Variants in FOXF1 observed in about 807,000 individuals in gnomAD.
FOXF1 encodes the protein forkhead box F1.
Under a neutral mutation model 26.6 loss-of-function variants are expected in FOXF1, and 9 were observed. The observed-to-expected ratio is 0.34, with a 90% CI of 0.20 to 0.59. FOXF1 has a LOEUF of 0.59. Ranked by LOEUF, FOXF1 falls within the 20% of genes least tolerant of loss-of-function variation. The pLI is 0.83. For missense variants in FOXF1, 499 were observed against 549.9 expected (o/e 0.91, Z 0.93); for synonymous variants, 330 against 257.7 (o/e 1.28, Z -2.69).
chr16:86,512,585 G>A (rs1019504613), intron 1 of FOXF1, among the ~76,000 whole-genome samples: 4 of 152,252 alleles, frequency 2.6e-5, no homozygotes, highest in Admixed American at 1.3e-4. Flanking sequence ...TGGCGGTGAC[G>A]GCCATGGGCG....
intron 1 of FOXF1, 30 bp from the exon 2 acceptor site, chr16:86,512,895 C>T (rs748101094): frequency 6.2e-7 from 1 of 1,613,464 alleles, no homozygotes; most frequent in East Asian, 2.2e-5. Flanking sequence ...CTTCTGCTCC[C>T]CCAACCCCTC....
At chr16:86,512,560 T>G (rs994877403) in intron 1 of FOXF1, among the ~76,000 whole-genome samples, 5 of 151,786 alleles carry the variant, frequency 3.3e-5, no homozygotes, top group Non-Finnish European at 7.4e-5. Flanking sequence ...AGGTTGGGGG[T>G]GGTGGTGGCT....
In FOXF1 at chr16:86,515,169, T is replaced by C. The variant is rs1969627461; in HGVS notation, c.*2084T>C. 6.6e-6 allele frequency: 1 copy of C among 152,098 alleles called. No homozygotes were observed. Among genetic ancestry groups the C allele is most frequent in the African/African-American group, 2.4e-5 (1 of 41,402 alleles). The allele number at this position is 152,098 out of a possible 1,614,324, so 9.4% of individuals were successfully genotyped here. A position where few individuals can be genotyped will look rare whatever the true frequency, so the allele number is the denominator to read the frequency against. On this transcript the variant is annotated 3_prime_UTR_variant, in exon 2 of 2. Coordinates refer to ENST00000262426, the MANE Select transcript of FOXF1 (RefSeq NM_001451.3). This position sits in a 1 kb window ranked among gnomAD's most constrained non-coding sequence, Gnocchi z 4.1. ...GTCCTCTCTGGGGGAAAAATATTTT[T>C]TAACACTTGTACCTTCCACTGACCA...
chr16:86,512,996 A>T lies in FOXF1; in HGVS notation c.1051A>T (p.Met351Leu), dbSNP rs758528931. The T allele has an allele frequency of 1.3e-5, 21 of 1,613,980 alleles. No homozygotes were observed. Among genetic ancestry groups the T allele is most frequent in the Non-Finnish European group, 1.7e-5 (20 of 1,180,036 alleles). Residue 351 changes from methionine to leucine, a missense_variant, in exon 2 of 2, where the codon ATG becomes TTG. Met to Leu is a conservative substitution (Grantham distance 15, BLOSUM62 2). Around this residue, in one of 5 missense-constraint regions of FOXF1, gnomAD observed 367 missense variants for 324.8 expected, o/e 1.13. Coordinates refer to ENST00000262426, the MANE Select transcript of FOXF1 (RefSeq NM_001451.3). ...GGAGTTTGTCTTCTCTTTCAACGCCATGGCGTCCTCTTCCATGCACTCGGC... is the reference window on the plus strand; with the variant it reads ...GGAGTTTGTCTTCTCTTTCAACGCCTTGGCGTCCTCTTCCATGCACTCGGC... ...RKEFVFSFNA[M>L]ASSSMHSAGG...
At position 86,512,941 on chromosome 16, in the gene FOXF1, C is replaced by T; in HGVS notation, c.996C>T (p.His332=). Residue 332 remains histidine, a synonymous_variant, in exon 2 of 2, where the codon CAC becomes CAT. Transcript: ENST00000262426. ...GCCTTGCAGGCATCCCGCGGTATCACTCGCAGTCGCCCAGCATGTGTGACC... is the reference window on the plus strand; with the variant it reads ...GCCTTGCAGGCATCCCGCGGTATCATTCGCAGTCGCCCAGCATGTGTGACC... ...PAELQGIPRY[H]SQSPSMCDRK... 6.2e-7 allele frequency: 1 copy of T among 1,614,154 alleles called. No individual in the cohort carries two copies. Among genetic ancestry groups the T allele is most frequent in the Non-Finnish European group, 8.5e-7 (1 of 1,180,040 alleles).
intron 1 of FOXF1, 96 bp from the exon 2 acceptor site, chr16:86,512,829 T>A (rs1029079259): frequency 6.9e-7 from 1 of 1,458,336 alleles, no homozygotes; most frequent in Non-Finnish European, 9.5e-7. Context: ...ACAGGCCCTG[T>A]GCGCCCCACG....
chr16:86,512,635 A>G (rs548939248), intron 1 of FOXF1, among the ~76,000 whole-genome samples: 4 of 152,296 alleles, frequency 2.6e-5, no homozygotes, highest in African/African-American at 4.8e-5. Context: ...CACTTCCCCT[A>G]TGGCTCTGGA....
At position 86,515,358 on chromosome 16, in the gene FOXF1, C is replaced by A. The variant is rs565960488; in HGVS notation, c.*2273C>A. ...GACATTTTGGACGTGGGGGTAATTT[C>A]TCCGGTGCTCTGTTACATCAAAATT... On this transcript the variant is annotated 3_prime_UTR_variant, in exon 2 of 2. Transcript: ENST00000262426. The surrounding 1 kb of genome is among the most constrained non-coding windows in gnomAD (Gnocchi z 4.1). The A allele has an allele frequency of 1.3e-5, 2 of 152,326 alleles. No individual in the cohort carries two copies. The highest frequency in any genetic ancestry group is 4.2e-4 in the South Asian group (2 of 4,814). The allele number at this position is 152,326 out of a possible 1,614,324, so 9.4% of individuals were successfully genotyped here.
Position 86,514,772 on chromosome 16 carries a change from C to T in FOXF1, c.*1687C>T, listed in dbSNP as rs951020285. On this transcript the variant is annotated 3_prime_UTR_variant, in exon 2 of 2. Transcript: ENST00000262426. ...CTATAGACCTCCTTCCCCTAGGGAA[C>T]ACCAATTAAACCATATATGTGCACA... 3 of 152,046 alleles carry T rather than the reference C, an allele frequency of 2.0e-5. No individual in the cohort carries two copies. The highest frequency in any genetic ancestry group is 2.9e-5 in the Non-Finnish European group (2 of 68,018). The allele number at this position is 152,046 out of a possible 1,614,324, so 9.4% of individuals were successfully genotyped here.
rs1597292703 is a variant in FOXF1 at position 86,513,211 on chromosome 16, C to T, written c.*126C>T. Reference sequence around the variant, plus strand: ...AGAAAAGGGTTCCACCTCTCCCCAACCGGAGTTTTTGGCAAGGAGTCCCCA... The same window carrying T: ...AGAAAAGGGTTCCACCTCTCCCCAATCGGAGTTTTTGGCAAGGAGTCCCCA... On this transcript the variant is annotated 3_prime_UTR_variant, in exon 2 of 2. Coordinates refer to ENST00000262426, the MANE Select transcript of FOXF1 (RefSeq NM_001451.3). The T allele has an allele frequency of 1.9e-6, 2 of 1,063,800 alleles. No individual in the cohort carries two copies. Among genetic ancestry groups the T allele is most frequent in the South Asian group, 1.5e-5 (1 of 68,540 alleles). The allele number at this position is 1,063,800 out of a possible 1,614,324, so 65.9% of individuals were successfully genotyped here.
At chr16:86,512,394 G>C (rs2143189774) in intron 1 of FOXF1, among the ~76,000 whole-genome samples, 1 of 152,366 alleles carries the variant, frequency 6.6e-6, no homozygotes, top group Admixed American at 6.5e-5. Flanking sequence ...CCAGGAGGCA[G>C]GAGCCAGGCC....
At position 86,511,333 on chromosome 16, in the gene FOXF1, G is replaced by T; in HGVS notation, c.764G>T (p.Gly255Val). The T allele has an allele frequency of 6.5e-7, 1 of 1,529,540 alleles. No individual in the cohort carries two copies. Among genetic ancestry groups the T allele is most frequent in the Non-Finnish European group, 8.7e-7 (1 of 1,146,632 alleles). The allele number at this position is 1,529,540 out of a possible 1,614,324, so 94.7% of individuals were successfully genotyped here. The change falls in exon 1 of 2, where the codon GGG becomes GTG. Residue 255 changes from glycine to valine, a missense_variant. Coordinates refer to ENST00000262426, the MANE Select transcript of FOXF1 (RefSeq NM_001451.3). ...ASPLLPTGAGGVMEPHAVYSG... is the reference protein window; with the variant it reads ...ASPLLPTGAGVVMEPHAVYSG... ...CCGCTGCTGCCCACCGGCGCCGGTG[G>T]GGTCATGGAGCCGCACGCCGTCTAC...
intron 1 of FOXF1, among the ~76,000 whole-genome samples, chr16:86,512,385 C>T (rs1401646452): frequency 6.6e-6 from 1 of 152,256 alleles, no homozygotes; most frequent in African/African-American, 2.4e-5. Flanking sequence ...TCAGCAGCCC[C>T]AGGAGGCAGG....
chr16:86,511,070 G>C lies in FOXF1; in HGVS notation c.501G>C (p.Pro167=). ...ACGGGCTCGGCTTCAACCACCTCCC[G>C]GACACCTACGGCTTCCAGGGCTCGG... The part of the protein sequence containing the change: ...MMNGLGFNHL[P]DTYGFQGSAG... The change falls in exon 1 of 2, where the codon CCG becomes CCC. Residue 167 remains proline, a synonymous_variant. Coordinates refer to ENST00000262426, the MANE Select transcript of FOXF1 (RefSeq NM_001451.3). 2 of 1,610,032 alleles carry C rather than the reference G, an allele frequency of 1.2e-6. No individual in the cohort carries two copies. The highest frequency in any genetic ancestry group is 8.5e-7 in the Non-Finnish European group (1 of 1,179,922).
At position 86,513,547 on chromosome 16, in the gene FOXF1, A is replaced by ATT. The variant is rs56130003; in HGVS notation, c.*471_*472dup. 4.3e-3 allele frequency: 680 copies of ATT among 159,124 alleles called. 7 individuals carry two copies. Among genetic ancestry groups the ATT allele is most frequent in the East Asian group, 0.023 (122 of 5,366 alleles). 9.9% of individuals were successfully genotyped at this position (159,124 alleles called of 1,614,324 possible). Reference sequence around the variant, plus strand: ...TTGAGTATTTATCTTTTTATTTTTTATTTTTTTTTTGAAAGAATGTCTTGG... The same window carrying ATT: ...TTGAGTATTTATCTTTTTATTTTTTATTTTTTTTTTTTGAAAGAATGTCTTGG... On this transcript the variant is annotated 3_prime_UTR_variant, in exon 2 of 2. Coordinates refer to ENST00000262426, the MANE Select transcript of FOXF1 (RefSeq NM_001451.3).
chr16:86,513,072 CT>C lies in FOXF1; in HGVS notation c.1129del (p.Cys377AlafsTer2). The C allele has an allele frequency of 6.2e-7, 1 of 1,612,166 alleles. No individual in the cohort carries two copies. The highest frequency in any genetic ancestry group is 1.1e-5 in the South Asian group (1 of 91,082). On this transcript the variant is annotated frameshift_variant, in exon 2 of 2. Coordinates refer to ENST00000262426, the MANE Select transcript of FOXF1 (RefSeq NM_001451.3). LOFTEE classifies it high-confidence loss of function. ...HQQVTYQDIK[P>X]CVM Reference sequence around the variant, plus strand: ...CAGGTCACCTACCAAGACATCAAGCCTTGCGTGATGTGAGGCTGCCGCCGCA... The same window carrying C: ...CAGGTCACCTACCAAGACATCAAGCCTGCGTGATGTGAGGCTGCCGCCGCA...
In FOXF1 at chr16:86,513,027, G is replaced by T. The variant is rs1199008501; in HGVS notation, c.1082G>T (p.Gly361Val). 3 of 1,613,806 alleles carry T rather than the reference G, an allele frequency of 1.9e-6. No individual in the cohort carries two copies. Among genetic ancestry groups the T allele is most frequent in the Non-Finnish European group, 2.5e-6 (3 of 1,180,036 alleles). The part of the protein sequence containing the change: ...MASSSMHSAG[G>V]GSYYHQQVTY... The stretch of plus-strand genomic sequence containing the variant: ...TCCTCTTCCATGCACTCGGCCGGCG[G>T]GGGCTCCTACTACCACCAGCAGGTC... Residue 361 changes from glycine (G) to valine (V), a missense_variant, in exon 2 of 2, where the codon GGG becomes GTG. Physicochemically the swap from Gly to Val is moderately radical, Grantham distance 109 (BLOSUM62 -3). Coordinates refer to ENST00000262426, the MANE Select transcript of FOXF1 (RefSeq NM_001451.3).
chr16:86,511,235 C>T lies in FOXF1; in HGVS notation c.666C>T (p.His222=). The change falls in exon 1 of 2, where the codon CAC becomes CAT. Residue 222 remains histidine, a synonymous_variant. Transcript: ENST00000262426. The part of the protein sequence containing the change: ...SVPHLPSNGG[H]SYMGGCGGAA... Reference sequence around the variant, plus strand: ...CCCACCTGCCTTCCAACGGCGGCCACTCGTACATGGGCGGCTGCGGCGGCG... The same window carrying T: ...CCCACCTGCCTTCCAACGGCGGCCATTCGTACATGGGCGGCTGCGGCGGCG... The T allele has an allele frequency of 6.5e-7, 1 of 1,531,514 alleles. No individual in the cohort carries two copies. The highest frequency in any genetic ancestry group is 1.2e-5 in the South Asian group (1 of 83,780). 94.9% of individuals were successfully genotyped at this position (1,531,514 alleles called of 1,614,324 possible).
At position 86,510,872 on chromosome 16, in the gene FOXF1, G is replaced by T. The variant is rs1365058744; in HGVS notation, c.303G>T (p.Ser101=). 6.2e-7 allele frequency: 1 copy of T among 1,613,922 alleles called. No homozygotes were observed. Among genetic ancestry groups the T allele is most frequent in the East Asian group, 2.2e-5 (1 of 44,848 alleles). ...AGAACTCCGTGCGCCACAACCTCTC[G>T]CTCAACGAGTGCTTCATCAAGCTAC... ...GWKNSVRHNL[S]LNECFIKLPK... Residue 101 remains serine, a synonymous_variant, in exon 1 of 2, where the codon TCG becomes TCT. Transcript: ENST00000262426.
Sources: gnomAD v4.1 joint callset for allele counts (sites outside exome capture counted in the v4.1 genomes callset) on GRCh38, gnomAD v4.1.1 for gene constraint, gnomAD v4.1.1 regional missense constraint, Gnocchi (gnomAD v3.1) non-coding constraint, MANE v1.5 for transcripts, NCBI Gene and HGNC (gene_info 2026-07-23, HGNC 2026-07-21) for gene names.